Variants in CDH18 observed in about 807,000 individuals in gnomAD.
CDH18 encodes cadherin 18.
CDH18 carries 31 observed loss-of-function variants against 67.9 expected under a neutral mutation model. That is an observed-to-expected ratio of 0.46 (90% CI 0.34 to 0.62). The LOEUF (loss-of-function observed/expected upper bound fraction) is 0.62, where lower values mean the gene tolerates loss of function less well. CDH18 is among the 20% of genes least tolerant of loss of function. The pLI is 0.01. For missense variants in CDH18, 890 were observed against 975.5 expected (o/e 0.91, Z 1.17); for synonymous variants, 362 against 347.2 (o/e 1.04, Z -0.48).
At chr5:19,872,219 A>G (rs1368906432) in intron 2 of CDH18, among the ~76,000 whole-genome samples, 2 of 152,178 alleles carry the variant, frequency 1.3e-5, no homozygotes, top group Non-Finnish European at 1.5e-5. Context: ...AGGTATTGAA[A>G]TGTATTCAGG....
At chr5:19,830,328 TAAAC>T (rs1300112972) in intron 3 of CDH18, among the ~76,000 whole-genome samples, 1 of 151,830 alleles carries the variant, frequency 6.6e-6, no homozygotes, top group East Asian at 1.9e-4. Context: ...ATATGAAAAT[TAAAC>T]AAATTAGAAA....
intron 4 of CDH18, among the ~76,000 whole-genome samples, chr5:19,725,240 T>C (rs908933640): frequency 2.0e-5 from 3 of 152,026 alleles, no homozygotes; most frequent in Non-Finnish European, 4.4e-5. Context: ...TTAGGGACTT[T>C]TTATGTGATG....
intron 2 of CDH18, among the ~76,000 whole-genome samples, chr5:20,088,893 A>G (rs1745193906): frequency 6.6e-6 from 1 of 152,128 alleles, no homozygotes; most frequent in African/African-American, 2.4e-5. Context: ...ACTACCCTTC[A>G]TTCTCTTTCA....
At chr5:19,930,896 A>G (rs1023509106) in intron 2 of CDH18, among the ~76,000 whole-genome samples, 1 of 152,032 alleles carries the variant, frequency 6.6e-6, no homozygotes, top group African/African-American at 2.4e-5. Flanking sequence ...TAATAACAGA[A>G]ACTCAGTTCG....
chr5:19,843,072 A>G (rs1325220428), intron 2 of CDH18, among the ~76,000 whole-genome samples: 1 of 152,208 alleles, frequency 6.6e-6, no homozygotes, highest in African/African-American at 2.4e-5. Context: ...AATTTTATGG[A>G]AAGAAATTGA....
rs1250590779 is a variant in CDH18 at position 20,172,238 on chromosome 5, A to ACGTGTATATATGTATATATATATATATG, written c.-518+83205_-518+83206insCATATATATATATATACATATATACACG. Among the ~76,000 whole-genome samples, 40 of 118,934 alleles carry ACGTGTATATATGTATATATATATATATG rather than the reference A, an allele frequency of 3.4e-4. 1 individual carries two copies. Among genetic ancestry groups the ACGTGTATATATGTATATATATATATATG allele is most frequent in the African/African-American group, 1.4e-3 (37 of 26,370 alleles). 78.0% of individuals were successfully genotyped at this position (118,934 alleles called of 152,430 possible). A position where few individuals can be genotyped will look rare whatever the true frequency, so the allele number is the denominator to read the frequency against. On this transcript the variant is annotated intron_variant, in intron 2 of 14. Coordinates refer to the CDH18 transcript ENST00000507958. ...TATATATATATGTATATATATATAT[A>ACGTGTATATATGTATATATATATATATG]TGTATATATATATATATATCTCCTC... is the stretch of plus-strand genomic sequence containing the variant.
chr5:19,765,451 T>G (rs925416542), intron 3 of CDH18, among the ~76,000 whole-genome samples: 2 of 152,108 alleles, frequency 1.3e-5, no homozygotes. Flanking sequence ...GTTTGGGGAT[T>G]TCTCATCACA....
At chr5:20,012,612 G>A (rs970261102) in intron 2 of CDH18, among the ~76,000 whole-genome samples, 1 of 152,194 alleles carries the variant, frequency 6.6e-6, no homozygotes, top group Non-Finnish European at 1.5e-5. Context: ...ACTGCTTAAA[G>A]AAATCAGAGA....
chr5:19,776,162 T>G (rs768391208), intron 3 of CDH18, among the ~76,000 whole-genome samples: 3 of 152,116 alleles, frequency 2.0e-5, no homozygotes, highest in Non-Finnish European at 4.4e-5. Context: ...AAAATTTTAG[T>G]GAATGGATTA....
chr5:19,534,869 TCA>T (rs569239566), intron 9 of CDH18, among the ~76,000 whole-genome samples: 206 of 152,254 alleles, frequency 1.4e-3, no homozygotes, highest in African/African-American at 4.8e-3. Context: ...CTTGGATAAC[TCA>T]CTCTGAGTTG....
chr5:19,563,651 G>A (rs182620602), intron 8 of CDH18, among the ~76,000 whole-genome samples: 3 of 152,266 alleles, frequency 2.0e-5, no homozygotes, highest in Non-Finnish European at 2.9e-5. Flanking sequence ...GGTGATGATT[G>A]GAGAAGAAGG....
intron 1 of CDH18, among the ~76,000 whole-genome samples, chr5:20,422,458 CTACT>C (rs1440255912): frequency 6.6e-6 from 1 of 150,436 alleles, no homozygotes; most frequent in African/African-American, 2.5e-5. Flanking sequence ...AGTTCTATAC[CTACT>C]TATGTGACAC....
rs1340037014 is a variant in CDH18 at position 19,483,355 on chromosome 5, C to T, written c.1828G>A (p.Gly610Ser). The T allele has an allele frequency of 1.9e-6, 3 of 1,613,860 alleles. No individual in the cohort carries two copies. The highest frequency in any genetic ancestry group is 3.3e-5 in the Admixed American group (2 of 59,988). ...CHAEAFLSSA[G>S]LSTGALIAIL... ...GCGATTAAGGCTCCTGTACTCAAACCAGCCGAGGACAGGAAGGCTTCTGCA... is the reference window on the plus strand; with the variant it reads ...GCGATTAAGGCTCCTGTACTCAAACTAGCCGAGGACAGGAAGGCTTCTGCA... Residue 610 changes from glycine (G) to serine (S), a missense_variant, in exon 12 of 13, where the codon GGT becomes AGT. By Grantham distance (56) the Gly-to-Ser change is moderately conservative. Around this residue, in one of 2 missense-constraint regions of CDH18, gnomAD observed 656 missense variants for 668.1 expected, o/e 0.98. Coordinates refer to ENST00000382275, the MANE Select transcript of CDH18 (RefSeq NM_004934.5).
intron 2 of CDH18, among the ~76,000 whole-genome samples, chr5:19,887,963 G>A (rs1788398933): frequency 6.6e-6 from 1 of 151,990 alleles, no homozygotes; most frequent in Non-Finnish European, 1.5e-5. Flanking sequence ...TGTCAAAAAG[G>A]CCATGCATAC....
At chr5:19,761,880 G>A (rs542117541) in intron 3 of CDH18, among the ~76,000 whole-genome samples, 2 of 152,222 alleles carry the variant, frequency 1.3e-5, no homozygotes, top group East Asian at 1.9e-4. Context: ...CATGGTACTG[G>A]TACCAAAACA....
In CDH18 at chr5:19,671,764, A is replaced by G. The variant is rs180803308; in HGVS notation, c.643+49583T>C. ...GAGTAAAGGCAGAAAAGTCATGTGT[A>G]CAATGGAGAAACCTAATTTTGAAAA... On this transcript the variant is annotated intron_variant, in intron 5 of 12. Coordinates refer to ENST00000382275, the MANE Select transcript of CDH18 (RefSeq NM_004934.5). 3.9e-5 allele frequency among the ~76,000 whole-genome samples: 6 copies of G among 152,266 alleles called. No individual in the cohort carries two copies. The East Asian group carries it at 1.2e-3, about 29-fold the overall frequency.
At position 19,695,529 on chromosome 5, in the gene CDH18, C is replaced by T. The variant is rs1032331204; in HGVS notation, c.643+25818G>A. Among the ~76,000 whole-genome samples, 15 of 151,792 alleles carry T rather than the reference C, an allele frequency of 9.9e-5. No individual in the cohort carries two copies. In the South Asian group the frequency reaches 2.7e-3, roughly 27 times the overall value. On this transcript the variant is annotated intron_variant, in intron 5 of 12. Transcript: ENST00000382275. Reference sequence around the variant, plus strand: ...TAAAAATGCATTAGAGGTTTTTTTTCGCTTGACATACAATCAGTAATAACA... The same window carrying T: ...TAAAAATGCATTAGAGGTTTTTTTTTGCTTGACATACAATCAGTAATAACA...
intron 1 of CDH18, among the ~76,000 whole-genome samples, chr5:20,447,552 C>T (rs1033992409): frequency 6.6e-6 from 1 of 152,168 alleles, no homozygotes; most frequent in Non-Finnish European, 1.5e-5. Flanking sequence ...TCCCAGCTCT[C>T]AGAACTGTCA....
intron 10 of CDH18, among the ~76,000 whole-genome samples, chr5:19,519,281 G>A (rs550405125): frequency 1.3e-5 from 2 of 152,000 alleles, no homozygotes; most frequent in African/African-American, 4.8e-5. Flanking sequence ...TTTCCCTGAC[G>A]GGACTAAAAA....
Sources: gnomAD v4.1 joint callset for allele counts (sites outside exome capture counted in the v4.1 genomes callset) on GRCh38, gnomAD v4.1.1 for gene constraint, gnomAD v4.1.1 regional missense constraint, MANE v1.5 for transcripts, NCBI Gene and HGNC (gene_info 2026-07-23, HGNC 2026-07-21) for gene names.